The following ATP2B2 variants were observed in gnomAD, a reference collection of about 807,000 sequenced individuals.
ATP2B2 encodes the protein ATPase plasma membrane Ca2+ transporting 2, also known as plasma membrane calcium-transporting ATPase 2.
In ATP2B2, 15 loss-of-function variants were observed where a neutral mutation model predicts 120.0. That is an observed-to-expected ratio of 0.12 (90% CI 0.08 to 0.19). The LOEUF (loss-of-function observed/expected upper bound fraction) is 0.19, where lower values mean the gene tolerates loss of function less well. Ranked by LOEUF, ATP2B2 falls within the 10% of genes least tolerant of loss-of-function variation. The pLI, the probability that ATP2B2 is intolerant of heterozygous loss-of-function variation, is 1.00. For synonymous variants in ATP2B2, 694 were observed against 700.3 expected (o/e 0.99, Z 0.14); for missense variants, 1,045 against 1,719.8 (o/e 0.61, Z 6.94).
chr3:10,378,319 C>T lies in ATP2B2; in HGVS notation c.1134G>A (p.Met378Ile). The T allele has an allele frequency of 6.2e-7, 1 of 1,609,772 alleles. No homozygotes were observed. The highest frequency in any genetic ancestry group is 1.1e-5 in the South Asian group (1 of 91,086). Residue 378 changes from methionine (M) to isoleucine (I), a missense_variant, in exon 10 of 23, where the codon ATG becomes ATA. Transcript: ENST00000360273. ...GDADDRKKAS[M>I]HKKEKSVLQG... is the part of the protein sequence containing the mutation. ...GCAGCACGGACTTCTCCTTCTTGTG[C>T]ATGCTGGCCTTCTTCCTGTCGTCAG...
intron 2 of ATP2B2, among the ~76,000 whole-genome samples, chr3:10,601,077 T>C (rs902884717): frequency 2.6e-5 from 4 of 152,158 alleles, no homozygotes; most frequent in African/African-American, 9.7e-5. Flanking sequence ...GAGCCTACTG[T>C]GCACCAGGTC....
intron 6 of ATP2B2, among the ~76,000 whole-genome samples, chr3:10,386,755 C>G (rs2061692879): frequency 6.6e-6 from 1 of 152,160 alleles, no homozygotes; most frequent in African/African-American, 2.4e-5. Context: ...TGCTGGACTG[C>G]TCCCCCAGGC....
chr3:10,662,933 T>C (rs940246038), intron 1 of ATP2B2, among the ~76,000 whole-genome samples: 10 of 152,062 alleles, frequency 6.6e-5, no homozygotes, highest in Admixed American at 6.5e-4. Flanking sequence ...TGAGTTCATG[T>C]CCTTTGTAGG....
At chr3:10,417,953 T>A (rs1399191653) in intron 2 of ATP2B2, among the ~76,000 whole-genome samples, 1 of 152,198 alleles carries the variant, frequency 6.6e-6, no homozygotes, top group Non-Finnish European at 1.5e-5. Flanking sequence ...GTACCCTTTG[T>A]CCCCAGTGGC....
At chr3:10,420,071 T>G (rs189194302) in intron 2 of ATP2B2, among the ~76,000 whole-genome samples, 1 of 152,348 alleles carries the variant, frequency 6.6e-6, no homozygotes, top group East Asian at 1.9e-4. Flanking sequence ...AGGCTGTCAG[T>G]GCATGCATGC....
intron 1 of ATP2B2, among the ~76,000 whole-genome samples, chr3:10,456,803 T>C (rs2064278247): frequency 6.6e-6 from 1 of 152,146 alleles, no homozygotes; most frequent in South Asian, 2.1e-4. Context: ...TCCCATGAGG[T>C]AGGATGTTTG....
intron 2 of ATP2B2, among the ~76,000 whole-genome samples, chr3:10,602,889 C>A (rs968927874): frequency 6.6e-6 from 1 of 152,178 alleles, no homozygotes; most frequent in Non-Finnish European, 1.5e-5. Context: ...TCAGAGCCTC[C>A]CTCCTCCTCC....
At chr3:10,388,642 C>T (rs1247375871) in intron 5 of ATP2B2, among the ~76,000 whole-genome samples, 1 of 152,178 alleles carries the variant, frequency 6.6e-6, no homozygotes. Flanking sequence ...CAAACATCTC[C>T]AGGCCCACCA....
intron 1 of ATP2B2, among the ~76,000 whole-genome samples, chr3:10,704,121 C>A (rs961111580): frequency 1.3e-5 from 2 of 152,244 alleles, no homozygotes; most frequent in Admixed American, 1.3e-4. Context: ...CATAGCATGT[C>A]CTCGCCTCTT....
In ATP2B2 at chr3:10,347,041, T is replaced by C. The variant is rs1287510909; in HGVS notation, c.2405-904A>G. Among the ~76,000 whole-genome samples, 1 of 152,190 alleles carries C rather than the reference T, an allele frequency of 6.6e-6. No individual in the cohort carries two copies. The highest frequency in any genetic ancestry group is 1.5e-5 in the Non-Finnish European group (1 of 68,030). On this transcript the variant is annotated intron_variant, in intron 16 of 22. Coordinates refer to ENST00000360273, the MANE Select transcript of ATP2B2 (RefSeq NM_001001331.4). This position sits in a 1 kb window ranked among gnomAD's most constrained non-coding sequence, Gnocchi z 5.2. ...TCAGGATCTCTCTAACACCCATGTC[T>C]GAACCAGTTCCGTCCCCCAGCCATC...
intron 12 of ATP2B2, among the ~76,000 whole-genome samples, chr3:10,367,226 G>A (rs2061088576): frequency 6.6e-6 from 1 of 152,106 alleles, no homozygotes; most frequent in African/African-American, 2.4e-5. Context: ...CACATCTTAA[G>A]ATCTCTGGGC....
intron 3 of ATP2B2, among the ~76,000 whole-genome samples, chr3:10,527,025 G>A (rs1056011909): frequency 1.3e-5 from 2 of 152,292 alleles, no homozygotes; most frequent in African/African-American, 2.4e-5. Context: ...TCAAAGGGTC[G>A]AGAGCGTGTG....
chr3:10,325,455 G>A lies in ATP2B2; in HGVS notation c.*3359C>T, dbSNP rs530706237. 1 of 152,328 alleles carries A rather than the reference G, an allele frequency of 6.6e-6. No individual in the cohort carries two copies. Among genetic ancestry groups the A allele is most frequent in the African/African-American group, 2.4e-5 (1 of 41,562 alleles). The allele number at this position is 152,328 out of a possible 1,614,324, so 9.4% of individuals were successfully genotyped here. On this transcript the variant is annotated 3_prime_UTR_variant, in exon 23 of 23. Transcript: ENST00000360273. ...AAGTCTATGTAAGACATCAGTGTGT[G>A]GTAAAGGTGGCATTTCAGCATGGTT... is the stretch of plus-strand genomic sequence containing the variant.
At chr3:10,639,940 G>C (rs1419152249) in intron 1 of ATP2B2, among the ~76,000 whole-genome samples, 9 of 152,220 alleles carry the variant, frequency 5.9e-5, no homozygotes, top group Non-Finnish European at 1.3e-4. Context: ...AGGTGAAGAG[G>C]GGAGAATGGC....
chr3:10,673,032 C>A (rs1261881174), intron 1 of ATP2B2, among the ~76,000 whole-genome samples: 1 of 152,140 alleles, frequency 6.6e-6, no homozygotes, highest in Non-Finnish European at 1.5e-5. Flanking sequence ...GGTGCATTTT[C>A]TCCTTGCAGA....
chr3:10,562,678 T>C (rs540690419), intron 2 of ATP2B2, among the ~76,000 whole-genome samples: 3 of 152,330 alleles, frequency 2.0e-5, no homozygotes, highest in East Asian at 3.9e-4. Flanking sequence ...AAGTTGATCA[T>C]TGAATTGGTA....
chr3:10,690,973 T>C (rs561991232), intron 1 of ATP2B2, among the ~76,000 whole-genome samples: 2 of 152,264 alleles, frequency 1.3e-5, no homozygotes, highest in Admixed American at 1.3e-4. Context: ...TAGTAGGTGC[T>C]GAACAAGTAT....
chr3:10,430,938 C>T (rs1207177294), intron 2 of ATP2B2, among the ~76,000 whole-genome samples: 1 of 151,516 alleles, frequency 6.6e-6, no homozygotes, highest in Non-Finnish European at 1.5e-5. Context: ...GTAGGGGGTG[C>T]TATTTCTGAT....
intron 2 of ATP2B2, among the ~76,000 whole-genome samples, chr3:10,448,342 C>T (rs560975789): frequency 2.0e-5 from 3 of 152,186 alleles, no homozygotes; most frequent in South Asian, 2.1e-4. Context: ...AACTGAGGCT[C>T]GGTGCAGCTT....
Sources: gnomAD v4.1 joint callset for allele counts (sites outside exome capture counted in the v4.1 genomes callset) on GRCh38, gnomAD v4.1.1 for gene constraint, Gnocchi (gnomAD v3.1) non-coding constraint, MANE v1.5 for transcripts, NCBI Gene and HGNC (gene_info 2026-07-23, HGNC 2026-07-21) for gene names.